Variants in RUNX1T1 observed in about 807,000 individuals in gnomAD.
The protein encoded by RUNX1T1 is protein CBFA2T1.
Under a neutral mutation model 62.8 loss-of-function variants are expected in RUNX1T1, and 4 were observed. That is an observed-to-expected ratio of 0.06 (90% CI 0.03 to 0.15). The LOEUF (loss-of-function observed/expected upper bound fraction) is 0.15, where lower values mean the gene tolerates loss of function less well. Ranked by LOEUF, RUNX1T1 falls within the 10% of genes least tolerant of loss-of-function variation. The pLI is 1.00. For missense variants in RUNX1T1, 508 were observed against 754.3 expected, an observed-to-expected ratio of 0.67 and a Z score of 3.82; for synonymous variants, 291 against 286.0, an observed-to-expected ratio of 1.02 and a Z score of -0.18.
chr8:91,989,197 T>G (rs1255345502), intron 6 of RUNX1T1, among the ~76,000 whole-genome samples: 1 of 152,170 alleles, frequency 6.6e-6, no homozygotes, highest in Non-Finnish European at 1.5e-5. Flanking sequence ...ACTGAAGGAT[T>G]CTCGTGAGTA....
intron 2 of RUNX1T1, among the ~76,000 whole-genome samples, chr8:92,068,100 C>T (rs1258581715): frequency 6.6e-6 from 1 of 151,888 alleles, no homozygotes; most frequent in African/African-American, 2.4e-5. Flanking sequence ...GCTATGTTAA[C>T]TGCTGTTTTT....
intron 1 of RUNX1T1, among the ~76,000 whole-genome samples, chr8:92,083,002 C>T (rs1436732967): frequency 6.6e-6 from 1 of 152,132 alleles, no homozygotes; most frequent in Non-Finnish European, 1.5e-5. Context: ...GGTTTTCAGC[C>T]TTGTTCGGAC....
exon 2 of RUNX1T1, chr8:92,017,269 A>T (rs1042749915): frequency 1.2e-6 from 2 of 1,614,030 alleles, no homozygotes; most frequent in Non-Finnish European, 1.7e-6. Flanking sequence ...CTCCTTGAGT[A>T]GTTGGGGGAG....
intron 5 of RUNX1T1, chr8:92,003,332 A>G (rs530615915): frequency 2.2e-6 from 1 of 456,272 alleles, no homozygotes; most frequent in African/African-American, 2.0e-5. Context: ...GTCAAAAGTC[A>G]CAATACATTC....
At chr8:92,019,677 C>T (rs1823713074) in intron 1 of RUNX1T1, among the ~76,000 whole-genome samples, 1 of 152,114 alleles carries the variant, frequency 6.6e-6, no homozygotes, top group Admixed American at 6.5e-5. Flanking sequence ...AAATAGACCA[C>T]CCTAAAAAAA....
chr8:92,100,861 G>A (rs1838003387), upstream of RUNX1T1, among the ~76,000 whole-genome samples: 1 of 152,164 alleles, frequency 6.6e-6, no homozygotes, highest in South Asian at 2.1e-4. Context: ...CTCAGGTTGG[G>A]GCTATGTTAG....
intron 1 of RUNX1T1, among the ~76,000 whole-genome samples, chr8:92,096,575 T>G (rs1269623739): frequency 6.6e-6 from 1 of 152,104 alleles, no homozygotes; most frequent in African/African-American, 2.4e-5. Flanking sequence ...GTTATTTTAT[T>G]GGGGGAGGGG....
intron 5 of RUNX1T1, among the ~76,000 whole-genome samples, chr8:91,993,857 T>C (rs1818169469): frequency 6.6e-6 from 1 of 151,990 alleles, no homozygotes; most frequent in Non-Finnish European, 1.5e-5. Flanking sequence ...CCGGGTGTAG[T>C]GGTGCATGCC....
At chr8:92,020,720 T>C (rs1478083596) in intron 1 of RUNX1T1, among the ~76,000 whole-genome samples, 1 of 152,158 alleles carries the variant, frequency 6.6e-6, no homozygotes, top group Admixed American at 6.5e-5. Flanking sequence ...CCAAAGATGG[T>C]TGATGCATGG....
intron 1 of RUNX1T1, among the ~76,000 whole-genome samples, chr8:92,022,118 A>G (rs972262976): frequency 1.3e-5 from 2 of 151,620 alleles, no homozygotes; most frequent in African/African-American, 4.9e-5. Context: ...CTTGATGGCG[A>G]TATTTTTTAA....
intron 4 of RUNX1T1, chr8:92,005,551 A>C (rs1171430280): frequency 4.4e-6 from 2 of 451,824 alleles, no homozygotes; most frequent in Non-Finnish European, 7.8e-6. Context: ...ATAACATTGC[A>C]AGTGGCACAT....
intron 8 of RUNX1T1, among the ~76,000 whole-genome samples, chr8:91,985,150 A>G (rs949766214): frequency 5.3e-5 from 8 of 152,212 alleles, no homozygotes. Flanking sequence ...ATGGACAGTA[A>G]CTTGAGTTAG....
exon 1 of RUNX1T1, chr8:92,062,571 A>G (rs1382275834): frequency 6.2e-6 from 10 of 1,614,072 alleles, no homozygotes; most frequent in Non-Finnish European, 8.5e-6. Flanking sequence ...CCAGCGTACC[A>G]CACAGAAAGT....
chr8:92,062,079 T>A (rs1471519603), intron 1 of RUNX1T1, among the ~76,000 whole-genome samples: 1 of 152,238 alleles, frequency 6.6e-6, no homozygotes, highest in Non-Finnish European at 1.5e-5. Context: ...AAATTCCTTG[T>A]AGTTCCAAAG....
At chr8:91,999,005 T>C (rs1819252107) in intron 5 of RUNX1T1, among the ~76,000 whole-genome samples, 1 of 152,234 alleles carries the variant, frequency 6.6e-6, no homozygotes, top group Non-Finnish European at 1.5e-5. Context: ...GTTCTGTTTG[T>C]AGTGTTTTGC....
At chr8:92,100,496 C>T (rs1837985926), upstream of RUNX1T1, among the ~76,000 whole-genome samples, 1 of 152,138 alleles carries the variant, frequency 6.6e-6, no homozygotes, top group Non-Finnish European at 1.5e-5. Context: ...CAGTATAAGA[C>T]TGATTGGTTG....
At chr8:91,975,874 C>G (rs199960653) in intron 9 of RUNX1T1, 31 bp downstream of exon 10, 244 of 1,493,190 alleles carry the variant, frequency 1.6e-4, no homozygotes, top group Non-Finnish European at 2.2e-4. Flanking sequence ...GCTGCCAGAA[C>G]ACGAAACTCA....
At chr8:92,077,783 T>G (rs1038132345) in intron 1 of RUNX1T1, among the ~76,000 whole-genome samples, 6 of 152,106 alleles carry the variant, frequency 3.9e-5, no homozygotes, top group African/African-American at 1.4e-4. Flanking sequence ...ACAAATCCTC[T>G]AGAGTCTAAG....
chr8:91,986,106 C>A lies in RUNX1T1; in HGVS notation c.1198+18G>T, dbSNP rs1289055100. The A allele has an allele frequency of 7.7e-6, 12 of 1,548,538 alleles. No homozygotes were observed. On this transcript the variant is annotated intron_variant, in intron 8 of 10. Coordinates refer to ENST00000396218, the Ensembl canonical transcript of RUNX1T1. ...AAGAAATATGTGTTTTCGAGATACT[C>A]ATCTGAAGAAAAGTTACCTAGTGCA...
Sources: gnomAD v4.1 joint callset for allele counts (sites outside exome capture counted in the v4.1 genomes callset) on GRCh38, gnomAD v4.1.1 for gene constraint, MANE v1.5 for transcripts, NCBI Gene and HGNC (gene_info 2026-07-23, HGNC 2026-07-21) for gene names.